Variants in RNF130 observed in about 807,000 individuals in gnomAD.
RNF130 encodes the protein ring finger protein 130, also known as E3 ubiquitin-protein ligase RNF130.
RNF130 carries 21 observed loss-of-function variants against 44.6 expected under a neutral mutation model. The ratio of observed to expected loss-of-function variants is 0.47; its 90% CI spans 0.33 to 0.68. The LOEUF is 0.68. Ranked by LOEUF, RNF130 falls within the 30% of genes least tolerant of loss-of-function variation. The pLI is 0.02. For synonymous variants in RNF130, 214 were observed against 210.4 expected, an observed-to-expected ratio of 1.02 and a Z score of -0.15; for missense variants, 479 against 560.6, an observed-to-expected ratio of 0.85 and a Z score of 1.47.
intron 3 of RNF130, among the ~76,000 whole-genome samples, chr5:180,010,043 C>A (rs189357533): frequency 6.6e-6 from 1 of 151,972 alleles, no homozygotes; most frequent in East Asian, 1.9e-4. Context: ...GTCAGGAGAT[C>A]GAGACCATCC....
intron 1 of RNF130, among the ~76,000 whole-genome samples, chr5:180,064,099 A>G (rs915179119): frequency 6.6e-6 from 1 of 152,178 alleles, no homozygotes; most frequent in African/African-American, 2.4e-5. Context: ...GACCTATTAT[A>G]ATAAATTATT....
At chr5:180,016,362 G>T (rs1404316965) in intron 2 of RNF130, among the ~76,000 whole-genome samples, 1 of 102,174 alleles carries the variant, frequency 9.8e-6, no homozygotes, top group African/African-American at 3.9e-5. Context: ...GGAAATGTAG[G>T]CTTCACAATA....
chr5:179,980,771 C>A (rs1159060039), intron 3 of RNF130, among the ~76,000 whole-genome samples: 1 of 152,216 alleles, frequency 6.6e-6, no homozygotes, highest in African/African-American at 2.4e-5. Context: ...CAGGGTTGAG[C>A]TGTTTTCATT....
At chr5:179,986,927 C>T (rs1295575789) in intron 3 of RNF130, among the ~76,000 whole-genome samples, 3 of 152,058 alleles carry the variant, frequency 2.0e-5, no homozygotes, top group African/African-American at 7.2e-5. Flanking sequence ...GCAAATAGGA[C>T]TGCTTTCTTG....
At position 180,060,880 on chromosome 5, in the gene RNF130, T is replaced by C. The variant is rs370003812; in HGVS notation, c.247+10576A>G. Among the ~76,000 whole-genome samples the C allele has an allele frequency of 9.2e-4, 140 of 151,970 alleles. No homozygotes were observed. In the East Asian group the frequency reaches 0.026, roughly 28 times the overall value. ...GTCGGGCGATCGAGACCATCCTGGC[T>C]AACACGGTGAAACCCCGTCTCTACT... On this transcript the variant is annotated intron_variant, in intron 1 of 8. Coordinates refer to ENST00000521389, the MANE Select transcript of RNF130 (RefSeq NM_018434.6).
At chr5:180,020,278 C>T (rs991257529) in intron 2 of RNF130, among the ~76,000 whole-genome samples, 2 of 152,120 alleles carry the variant, frequency 1.3e-5, no homozygotes, top group Admixed American at 6.5e-5. Flanking sequence ...GTGGCAGGAC[C>T]GCTGATGAAC....
chr5:180,047,907 T>A (rs924519501), intron 1 of RNF130, among the ~76,000 whole-genome samples: 2 of 152,054 alleles, frequency 1.3e-5, no homozygotes, highest in African/African-American at 4.8e-5. Flanking sequence ...CTTCCTCCAG[T>A]CGAACCTTCA....
intron 2 of RNF130, among the ~76,000 whole-genome samples, chr5:180,017,066 T>C (rs927742818): frequency 6.6e-6 from 1 of 152,228 alleles, no homozygotes; most frequent in African/African-American, 2.4e-5. Context: ...GTCGGCATCA[T>C]GCTTAGCTGT....
chr5:180,007,985 T>C (rs1763499949), intron 3 of RNF130, among the ~76,000 whole-genome samples: 1 of 123,802 alleles, frequency 8.1e-6, no homozygotes, highest in Non-Finnish European at 1.7e-5. Context: ...AACAAATCTT[T>C]TAGTTTTTTT....
intron 5 of RNF130, among the ~76,000 whole-genome samples, chr5:179,976,486 T>C (rs911066435): frequency 6.6e-6 from 1 of 152,216 alleles, no homozygotes; most frequent in African/African-American, 2.4e-5. Flanking sequence ...TCTCCTGATT[T>C]GCACTGGCGT....
In RNF130 at chr5:180,040,521, T is replaced by A; in HGVS notation, c.374A>T (p.His125Leu). The A allele has an allele frequency of 6.2e-7, 1 of 1,614,230 alleles. No individual in the cohort carries two copies. Among genetic ancestry groups the A allele is most frequent in the South Asian group, 1.1e-5 (1 of 91,088 alleles). The part of the protein sequence containing the change: ...FKEKISRAAF[H>L]NAVAVVIYNN... Reference sequence around the variant, plus strand: ...GTAGATGACTACAGCAACTGCATTGTGGAAAGCGGCCCGTGATATTTTCTC... The same window carrying A: ...GTAGATGACTACAGCAACTGCATTGAGGAAAGCGGCCCGTGATATTTTCTC... Residue 125 changes from histidine to leucine, a missense_variant, in exon 2 of 9, where the codon CAC becomes CTC. Transcript: ENST00000521389.
At chr5:179,923,497 C>T (rs763377880) in intron 7 of RNF130, among the ~76,000 whole-genome samples, 4 of 152,166 alleles carry the variant, frequency 2.6e-5, no homozygotes, top group Non-Finnish European at 4.4e-5. Flanking sequence ...TGAACTGTCA[C>T]CTAAATGGAT....
At chr5:179,950,818 T>G (rs975388427), downstream of RNF130, among the ~76,000 whole-genome samples, 1 of 152,212 alleles carries the variant, frequency 6.6e-6, no homozygotes, top group Admixed American at 6.5e-5. Flanking sequence ...CACCTCCTGA[T>G]GTACTTCAGC....
Position 179,996,136 on chromosome 5 carries a change from T to A in RNF130, c.694-15936A>T, listed in dbSNP as rs558822774. Among the ~76,000 whole-genome samples the A allele has an allele frequency of 3.9e-5, 6 of 152,356 alleles. No individual in the cohort carries two copies. In the South Asian group the frequency reaches 8.3e-4, roughly 21 times the overall value. On this transcript the variant is annotated intron_variant, in intron 3 of 8. Transcript: ENST00000521389. Reference sequence around the variant, plus strand: ...TTTGTTTCCTCTTCAATTTCTGTCATCAGTGTTTTAGTTTTCCTTGCAGAC... The same window carrying A: ...TTTGTTTCCTCTTCAATTTCTGTCAACAGTGTTTTAGTTTTCCTTGCAGAC...
chr5:180,028,987 T>C (rs879443010), intron 2 of RNF130, among the ~76,000 whole-genome samples: 5 of 152,218 alleles, frequency 3.3e-5, no homozygotes, highest in African/African-American at 1.2e-4. Flanking sequence ...GTTAGCTCAA[T>C]AAATTTTGCA....
rs748236810 is a variant in RNF130, at chr5:180,015,273, ATGT to A, written c.443-1965_443-1963del. 1.4e-5 allele frequency: 7 copies of A among 493,830 alleles called. No homozygotes were observed. The East Asian group carries it at 3.4e-4, about 24-fold the overall frequency. The allele number at this position is 493,830 out of a possible 1,614,324, so 30.6% of individuals were successfully genotyped here. ...AATTTCCCTTTAGAAATCTCTTAAA[ATGT>A]TGTTCAACGGGCCATGATCTGTGGT... On this transcript the variant is annotated intron_variant, in intron 2 of 8. Coordinates refer to ENST00000521389, the MANE Select transcript of RNF130 (RefSeq NM_018434.6).
chr5:180,058,151 C>T (rs562587615), intron 1 of RNF130, among the ~76,000 whole-genome samples: 5 of 151,962 alleles, frequency 3.3e-5, no homozygotes, highest in African/African-American at 7.3e-5. Flanking sequence ...TGCTGGGGAG[C>T]GAGGAGGGAA....
chr5:180,067,273 T>C lies in RNF130; in HGVS notation c.247+4183A>G, dbSNP rs374096826. Among the ~76,000 whole-genome samples the C allele has an allele frequency of 2.0e-5, 3 of 152,168 alleles. No homozygotes were observed. The East Asian group carries it at 5.8e-4, about 29-fold the overall frequency. On this transcript the variant is annotated intron_variant, in intron 1 of 8. Transcript: ENST00000521389. The stretch of plus-strand genomic sequence containing the variant: ...ACCCAAATCTATGTCTTCATTCCTA[T>C]TAATTTTTTTAAAGCTATATAGCCC...
intron 8 of RNF130, among the ~76,000 whole-genome samples, chr5:179,962,485 G>A (rs1267042946): frequency 2.6e-5 from 4 of 152,142 alleles, no homozygotes; most frequent in East Asian, 1.9e-4. Context: ...TGGAGATCAC[G>A]TGAATTCCAC....
Sources: gnomAD v4.1 joint callset for allele counts (sites outside exome capture counted in the v4.1 genomes callset) on GRCh38, gnomAD v4.1.1 for gene constraint, MANE v1.5 for transcripts, NCBI Gene and HGNC (gene_info 2026-07-23, HGNC 2026-07-21) for gene names.